The following ZBTB46 variants were observed in gnomAD, a reference collection of about 807,000 sequenced individuals.
ZBTB46 encodes zinc finger and BTB domain containing 46, also known as zinc finger and BTB domain-containing protein 46.
In ZBTB46, 8 loss-of-function variants were observed where a neutral mutation model predicts 44.1. The observed-to-expected ratio is 0.18, with a 90% CI of 0.11 to 0.33. ZBTB46 has a LOEUF of 0.33. Ranked by LOEUF, ZBTB46 falls within the 10% of genes least tolerant of loss-of-function variation. The pLI is 1.00. For missense variants in ZBTB46, 651 were observed against 847.7 expected, an observed-to-expected ratio of 0.77 and a Z score of 2.88; for synonymous variants, 409 against 382.3, an observed-to-expected ratio of 1.07 and a Z score of -0.81.
At chr20:63,779,718 G>A (rs1204748114) in intron 2 of ZBTB46, among the ~76,000 whole-genome samples, 1 of 150,614 alleles carries the variant, frequency 6.6e-6, no homozygotes, top group Admixed American at 6.6e-5. Context: ...CACCGCGCCC[G>A]GCCGCTAATT....
chr20:63,797,101 G>A (rs1039297232), intron 1 of ZBTB46, among the ~76,000 whole-genome samples: 5 of 152,034 alleles, frequency 3.3e-5, no homozygotes, highest in Non-Finnish European at 7.4e-5. Flanking sequence ...TTGGTGTGCT[G>A]CACCCATTAA....
At chr20:63,778,598 C>T (rs1304944441) in intron 2 of ZBTB46, among the ~76,000 whole-genome samples, 10 of 152,162 alleles carry the variant, frequency 6.6e-5, no homozygotes, top group East Asian at 1.9e-4. Context: ...AGGCAGCACA[C>T]GGGGTGAGTC....
Position 63,809,589 on chromosome 20 carries a change from C to T in ZBTB46, c.-33-18799G>A, listed in dbSNP as rs113166936. Among the ~76,000 whole-genome samples the T allele has an allele frequency of 8.9e-3, 1,362 of 152,282 alleles. 10 individuals are homozygous for T. Among genetic ancestry groups the T allele is most frequent in the Non-Finnish European group, 0.014 (959 of 68,022 alleles). ...CTTACGAAGTTAGCCGTGTGGTGGC[C>T]AGTGTGGCTTAACTCAATGATACAA... On this transcript the variant is annotated intron_variant, in intron 1 of 4. Transcript: ENST00000245663.
Position 63,780,562 on chromosome 20 carries a change from G to A in ZBTB46, c.938-4600C>T, listed in dbSNP as rs555148791. ...TCATGCCTGTAATCCCAGCACTCTC[G>A]GAGGCTGAGGCGGGCGGATCACGAG... is the stretch of plus-strand genomic sequence containing the variant. On this transcript the variant is annotated intron_variant, in intron 2 of 4. Transcript: ENST00000245663. Among the ~76,000 whole-genome samples, 16 of 152,230 alleles carry A rather than the reference G, an allele frequency of 1.1e-4. No homozygotes were observed. The East Asian group carries it at 2.7e-3, about 26-fold the overall frequency.
At chr20:63,758,217 C>A (rs2092241937) in intron 3 of ZBTB46, among the ~76,000 whole-genome samples, 2 of 148,292 alleles carry the variant, frequency 1.3e-5, no homozygotes, top group African/African-American at 2.5e-5. Context: ...GCTCACACTC[C>A]CTCCTCCTGC....
intron 1 of ZBTB46, among the ~76,000 whole-genome samples, chr20:63,817,394 G>A (rs1255449497): frequency 6.6e-6 from 1 of 151,846 alleles, no homozygotes; most frequent in Non-Finnish European, 1.5e-5. Flanking sequence ...CACAGAGTGA[G>A]ATCCTGTCTC....
intron 3 of ZBTB46, among the ~76,000 whole-genome samples, chr20:63,771,397 A>G (rs2145843375): frequency 6.6e-6 from 1 of 151,942 alleles, no homozygotes; most frequent in African/African-American, 2.4e-5. Context: ...GAGGGGAGGG[A>G]GAGAGGGGGG....
chr20:63,830,564 A>C (rs1445013364), intron 1 of ZBTB46, among the ~76,000 whole-genome samples: 7 of 149,904 alleles, frequency 4.7e-5, no homozygotes, highest in Non-Finnish European at 1.5e-5. Context: ...CACCTCCCGC[A>C]GTTCCGACTC....
At chr20:63,832,093 C>T (rs572842770), upstream of ZBTB46, among the ~76,000 whole-genome samples, 1 of 151,832 alleles carries the variant, frequency 6.6e-6, no homozygotes, top group South Asian at 2.1e-4. The surrounding 1 kb of genome is among the most constrained non-coding windows in gnomAD (Gnocchi z 5.0). Flanking sequence ...CTGCGGGGGA[C>T]GAATGGCTCC....
intron 4 of ZBTB46, among the ~76,000 whole-genome samples, chr20:63,747,726 C>A (rs2092118573): frequency 6.6e-6 from 1 of 152,226 alleles, no homozygotes; most frequent in African/African-American, 2.4e-5. Context: ...GCAGCCCTGT[C>A]CCAAGGGGAT....
chr20:63,759,157 T>C (rs911824280), intron 3 of ZBTB46, among the ~76,000 whole-genome samples: 1 of 152,234 alleles, frequency 6.6e-6, no homozygotes, highest in African/African-American at 2.4e-5. Flanking sequence ...GGTCTTTGCA[T>C]ATTTTTTGTT....
chr20:63,771,437 C>T (rs1601429935), intron 3 of ZBTB46, among the ~76,000 whole-genome samples: 1 of 152,170 alleles, frequency 6.6e-6, no homozygotes, highest in South Asian at 2.1e-4. Context: ...CTGGCGCTCC[C>T]GCACGGTGTT....
intron 1 of ZBTB46, among the ~76,000 whole-genome samples, chr20:63,800,690 C>T (rs910103523): frequency 6.6e-6 from 1 of 152,210 alleles, no homozygotes; most frequent in African/African-American, 2.4e-5. Context: ...AGCACCCGGG[C>T]CAGCAGCTGC....
intron 2 of ZBTB46, 70 bp downstream of exon 2, chr20:63,789,751 G>T (rs935420678): frequency 6.5e-7 from 1 of 1,536,826 alleles, no homozygotes. Flanking sequence ...CACTGCCTCC[G>T]CACAGCACGC....
At chr20:63,824,009 GA>G (rs2092807056) in intron 1 of ZBTB46, among the ~76,000 whole-genome samples, 1 of 152,138 alleles carries the variant, frequency 6.6e-6, no homozygotes, top group Non-Finnish European at 1.5e-5. Flanking sequence ...TGAGTGCAGA[GA>G]GGAGGCTGTA....
rs780310039 is a variant in ZBTB46 at position 63,765,120 on chromosome 20, C to CGTGTGT, written c.1222+10552_1222+10557dup. Among the ~76,000 whole-genome samples, 795 of 149,080 alleles carry CGTGTGT rather than the reference C, an allele frequency of 5.3e-3. 10 individuals carry two copies. Among genetic ancestry groups the CGTGTGT allele is most frequent in the African/African-American group, 0.019 (750 of 40,500 alleles). On this transcript the variant is annotated intron_variant, in intron 3 of 4. Transcript: ENST00000245663. ...GTATGTGTGGTTGTGTGTGTGTGTG[C>CGTGTGT]GTGTGTGTGTGTGTGGGGCTTAGAG...
intron 1 of ZBTB46, among the ~76,000 whole-genome samples, chr20:63,822,318 A>G (rs1328105372): frequency 6.6e-6 from 1 of 152,170 alleles, no homozygotes; most frequent in Non-Finnish European, 1.5e-5. Flanking sequence ...TTCACCCACC[A>G]GCACACCCAT....
intron 1 of ZBTB46, among the ~76,000 whole-genome samples, chr20:63,815,974 A>G (rs28637955): frequency 0.47 from 56,989 of 122,416 alleles, 12,109 homozygotes; most frequent in East Asian, 0.6. Context: ...GGGTGCAGGT[A>G]CAGTGGGCGC....
intron 2 of ZBTB46, among the ~76,000 whole-genome samples, chr20:63,778,486 G>GCC (rs1207138995): frequency 6.6e-6 from 1 of 152,226 alleles, no homozygotes; most frequent in Non-Finnish European, 1.5e-5. Context: ...GGCACTTGGA[G>GCC]CAGGGGCAGA....
Sources: allele counts gnomAD v4.1 joint callset (sites outside exome capture counted in the v4.1 genomes callset), GRCh38; gene constraint gnomAD v4.1.1; non-coding constraint Gnocchi (gnomAD v3.1); transcripts MANE v1.5; gene names NCBI Gene and HGNC (gene_info 2026-07-23, HGNC 2026-07-21).